Variants in KLHL29 observed in about 807,000 individuals in gnomAD.
KLHL29 encodes kelch-like protein 29.
Under a neutral mutation model 80.4 loss-of-function variants are expected in KLHL29, and 21 were observed. The ratio of observed to expected loss-of-function variants is 0.26; its 90% CI spans 0.19 to 0.38. The LOEUF is 0.38. KLHL29 is among the 10% of genes least tolerant of loss of function. KLHL29 has a pLI of 1.00. For missense variants in KLHL29, 867 were observed against 1,223.9 expected, an observed-to-expected ratio of 0.71 and a Z score of 4.35; for synonymous variants, 511 against 526.8, an observed-to-expected ratio of 0.97 and a Z score of 0.41.
intron 3 of KLHL29, among the ~76,000 whole-genome samples, chr2:23,614,769 G>T (rs1478452829): frequency 2.0e-5 from 3 of 152,206 alleles, no homozygotes. Context: ...TCGGGTCGCT[G>T]ATCGCTGAGG....
chr2:23,559,442 G>A (rs959580444), intron 2 of KLHL29, among the ~76,000 whole-genome samples: 1 of 152,150 alleles, frequency 6.6e-6, no homozygotes, highest in African/African-American at 2.4e-5. Context: ...GGGCGGGCAG[G>A]CAGGCAGGCA....
intron 3 of KLHL29, among the ~76,000 whole-genome samples, chr2:23,586,163 C>T (rs761693218): frequency 1.3e-5 from 2 of 151,892 alleles, no homozygotes; most frequent in African/African-American, 4.8e-5. Context: ...GAAAATGCTA[C>T]TTAAAAAAAA....
At chr2:23,511,890 C>T (rs557697662) in intron 2 of KLHL29, among the ~76,000 whole-genome samples, 1 of 152,092 alleles carries the variant, frequency 6.6e-6, no homozygotes, top group Non-Finnish European at 1.5e-5. Context: ...GTTCTGACTC[C>T]AGCAGGTGAG....
intron 2 of KLHL29, chr2:23,532,729 C>A: frequency 2.2e-6 from 1 of 445,774 alleles, no homozygotes; most frequent in Non-Finnish European, 4.5e-6. Context: ...GAGGTGTGTT[C>A]CCAGCCTCAC....
At chr2:23,444,411 G>A (rs1459337845) in intron 1 of KLHL29, among the ~76,000 whole-genome samples, 3 of 152,060 alleles carry the variant, frequency 2.0e-5, no homozygotes, top group South Asian at 2.1e-4. Context: ...TGCAACCTCC[G>A]CCTCTCGGGT....
intron 3 of KLHL29, among the ~76,000 whole-genome samples, chr2:23,568,690 C>T (rs1186892808): frequency 6.6e-6 from 1 of 152,210 alleles, no homozygotes; most frequent in African/African-American, 2.4e-5. Context: ...CAAAGAGACC[C>T]CACCTCTTGA....
chr2:23,432,221 T>C (rs1034207823), intron 1 of KLHL29, among the ~76,000 whole-genome samples: 1 of 152,254 alleles, frequency 6.6e-6, no homozygotes, highest in African/African-American at 2.4e-5. Context: ...TTCATGTCAA[T>C]GGTTGAAAAA....
At chr2:23,426,456 T>C (rs1663006979) in intron 1 of KLHL29, among the ~76,000 whole-genome samples, 1 of 152,176 alleles carries the variant, frequency 6.6e-6, no homozygotes. Flanking sequence ...TCCATCAGCT[T>C]TTCCCCTCCA....
At chr2:23,641,320 C>T (rs1669763101) in intron 4 of KLHL29, among the ~76,000 whole-genome samples, 2 of 152,196 alleles carry the variant, frequency 1.3e-5, no homozygotes, top group African/African-American at 2.4e-5. Flanking sequence ...TCCCCCAGGG[C>T]TGGCCGTGCC....
chr2:23,545,026 G>T (rs1385938083), intron 2 of KLHL29, among the ~76,000 whole-genome samples: 1 of 152,206 alleles, frequency 6.6e-6, no homozygotes, highest in Non-Finnish European at 1.5e-5. Context: ...CTGAATGAGG[G>T]TGAGGAAGGA....
At chr2:23,670,952 C>T in intron 5 of KLHL29, among the ~76,000 whole-genome samples, 1 of 19,576 alleles carries the variant, frequency 5.1e-5, no homozygotes, top group Admixed American at 5.8e-4. Context: ...CTCTCTCTCT[C>T]TCTCTCTCTC....
intron 1 of KLHL29, among the ~76,000 whole-genome samples, chr2:23,443,369 C>T (rs1383712408): frequency 1.3e-5 from 2 of 152,216 alleles, no homozygotes; most frequent in African/African-American, 4.8e-5. Context: ...ATCTAACATA[C>T]AGTCTACATT....
intron 3 of KLHL29, among the ~76,000 whole-genome samples, chr2:23,587,900 A>G (rs1002073194): frequency 2.0e-5 from 3 of 152,198 alleles, no homozygotes; most frequent in Admixed American, 6.5e-5. Context: ...AATAATTTAG[A>G]GGCTAGGGAA....
chr2:23,601,205 G>A (rs75595998), intron 3 of KLHL29, among the ~76,000 whole-genome samples: 3,813 of 152,238 alleles, frequency 0.025, 168 homozygotes, highest in African/African-American at 0.088. Flanking sequence ...CGTCAAAAGG[G>A]GAGAAGAGTT....
chr2:23,489,842 T>G (rs183696046), intron 2 of KLHL29, among the ~76,000 whole-genome samples: 1 of 151,974 alleles, frequency 6.6e-6, no homozygotes, highest in African/African-American at 2.4e-5. Context: ...AAGGAGGAGG[T>G]GCCCACATCA....
rs1671077021 is a variant in KLHL29 at position 23,681,317 on chromosome 2, C to G, written c.941-3082C>G. On this transcript the variant is annotated intron_variant, in intron 5 of 13. Coordinates refer to ENST00000486442, the MANE Select transcript of KLHL29 (RefSeq NM_052920.2). The surrounding 1 kb of genome is among the most constrained non-coding windows in gnomAD (Gnocchi z 4.2). ...ATCCAGATTTCCACCAAGTGAGATTCAGAGAGAGCAGAAAGCACCTACATT... is the reference window on the plus strand; with the variant it reads ...ATCCAGATTTCCACCAAGTGAGATTGAGAGAGAGCAGAAAGCACCTACATT... Among the ~76,000 whole-genome samples the G allele has an allele frequency of 6.6e-6, 1 of 152,188 alleles. No individual in the cohort carries two copies.
At chr2:23,599,396 G>C (rs1391474320) in intron 3 of KLHL29, among the ~76,000 whole-genome samples, 2 of 151,816 alleles carry the variant, frequency 1.3e-5, no homozygotes, top group Non-Finnish European at 2.9e-5. Context: ...AATTATAGAA[G>C]GAAATGTCTG....
intron 2 of KLHL29, among the ~76,000 whole-genome samples, chr2:23,561,144 G>A (rs1403207273): frequency 6.6e-6 from 1 of 152,196 alleles, no homozygotes; most frequent in African/African-American, 2.4e-5. Flanking sequence ...CACCACTTGT[G>A]CCCTGGCACT....
chr2:23,388,072 A>G (rs943995792), intron 1 of KLHL29, among the ~76,000 whole-genome samples: 6 of 152,204 alleles, frequency 3.9e-5, no homozygotes, highest in East Asian at 1.9e-4. Flanking sequence ...TATGGTAGCC[A>G]TGGTAACAAA....
Sources: gnomAD v4.1 joint callset for allele counts (sites outside exome capture counted in the v4.1 genomes callset) on GRCh38, gnomAD v4.1.1 for gene constraint, Gnocchi (gnomAD v3.1) non-coding constraint, MANE v1.5 for transcripts, NCBI Gene and HGNC (gene_info 2026-07-23, HGNC 2026-07-21) for gene names.